Variants in LHFPL3 observed in about 807,000 individuals in gnomAD.
LHFPL3 encodes LHFPL tetraspan subfamily member 3 protein.
LHFPL3 carries 5 observed loss-of-function variants against 19.3 expected under a neutral mutation model. The observed-to-expected ratio is 0.26, with a 90% CI of 0.14 to 0.54. LHFPL3 has a LOEUF of 0.54. Among genes scored for constraint, LHFPL3 ranks in the 20% least tolerant of loss-of-function variants. The pLI is 0.94. For synonymous variants in LHFPL3, 133 were observed against 126.2 expected (o/e 1.05, Z -0.36); for missense variants, 249 against 307.4 (o/e 0.81, Z 1.42).
rs531515113 is a variant in LHFPL3 at position 104,734,301 on chromosome 7, TC to T, written c.446-2372del. Among the ~76,000 whole-genome samples the T allele has an allele frequency of 6.3e-4, 96 of 152,348 alleles. 2 individuals are homozygous for T. In the East Asian group the frequency reaches 0.017, roughly 27 times the overall value. On this transcript the variant is annotated intron_variant, in intron 1 of 2. Transcript: ENST00000424859. ...GTTGGGGAAGTTCTCCTGGATAATA[TC>T]CTGCAGAGTGTTTTCCAACTTGGTT...
chr7:104,556,486 T>A (rs754693306), intron 1 of LHFPL3, among the ~76,000 whole-genome samples: 1 of 152,222 alleles, frequency 6.6e-6, no homozygotes, highest in Non-Finnish European at 1.5e-5. Flanking sequence ...TGGCCCCTTT[T>A]AGTCACTCAC....
chr7:104,573,065 A>G (rs566114741), intron 1 of LHFPL3, among the ~76,000 whole-genome samples: 7 of 152,334 alleles, frequency 4.6e-5, no homozygotes, highest in Admixed American at 1.3e-4. Context: ...TAAAGGTACT[A>G]TAGGAAGTTT....
intron 1 of LHFPL3, among the ~76,000 whole-genome samples, chr7:104,627,077 C>T (rs1791558927): frequency 6.6e-6 from 1 of 151,966 alleles, no homozygotes; most frequent in Non-Finnish European, 1.5e-5. Context: ...ATCTCTTGAC[C>T]TTATTCCTCC....
chr7:104,476,674 G>A (rs2115639009), intron 1 of LHFPL3, among the ~76,000 whole-genome samples: 1 of 152,222 alleles, frequency 6.6e-6, no homozygotes, highest in South Asian at 2.1e-4. Flanking sequence ...TGGTCAGGCT[G>A]GGCTTGAACT....
At chr7:104,836,831 A>T (rs545544915) in intron 2 of LHFPL3, among the ~76,000 whole-genome samples, 8 of 152,338 alleles carry the variant, frequency 5.3e-5, no homozygotes, top group Non-Finnish European at 1.0e-4. Flanking sequence ...GTCTACACAG[A>T]GTTGCTCCTA....
chr7:104,685,979 G>A (rs898695353), intron 1 of LHFPL3, among the ~76,000 whole-genome samples: 9 of 152,238 alleles, frequency 5.9e-5, no homozygotes, highest in African/African-American at 2.2e-4. Flanking sequence ...TACCATTGAA[G>A]TAGCAATGAT....
chr7:104,603,066 T>TTCTCTTTC (rs1453775700), intron 1 of LHFPL3, among the ~76,000 whole-genome samples: 1,868 of 108,972 alleles, frequency 0.017, 36 homozygotes, highest in Middle Eastern at 0.037. Flanking sequence ...CTTTCTTTCT[T>TTCTCTTTC]TTTCTTTCTT....
intron 2 of LHFPL3, among the ~76,000 whole-genome samples, chr7:104,767,389 T>C (rs1159719343): frequency 6.6e-6 from 1 of 152,138 alleles, no homozygotes; most frequent in African/African-American, 2.4e-5. Context: ...AGAGAGAATA[T>C]CTGAAAATTC....
In LHFPL3 at chr7:104,578,467, T is replaced by C. The variant is rs141836944; in HGVS notation, c.446-158208T>C. Among the ~76,000 whole-genome samples the C allele has an allele frequency of 4.6e-4, 70 of 152,150 alleles. 1 individual carries two copies. The East Asian group carries it at 0.013, about 29-fold the overall frequency. ...TAGGCCCCAGGCAGGTAGGCAAGAG[T>C]GTTCTGAGGATCAAATAAGGCACCT... On this transcript the variant is annotated intron_variant, in intron 1 of 2. Coordinates refer to ENST00000424859, the MANE Select transcript of LHFPL3 (RefSeq NM_199000.3).
At chr7:104,646,765 A>G (rs1791943179) in intron 1 of LHFPL3, among the ~76,000 whole-genome samples, 1 of 152,266 alleles carries the variant, frequency 6.6e-6, no homozygotes, top group Admixed American at 6.5e-5. Context: ...TACTTAGAAT[A>G]CAGAAATGAA....
chr7:104,495,516 T>G (rs557436670), intron 1 of LHFPL3, among the ~76,000 whole-genome samples: 5 of 152,354 alleles, frequency 3.3e-5, no homozygotes, highest in Admixed American at 6.5e-5. Flanking sequence ...CCCAAGTAGC[T>G]GGGACTACAG....
chr7:104,522,717 C>T (rs1361646793), intron 1 of LHFPL3, among the ~76,000 whole-genome samples: 1 of 152,072 alleles, frequency 6.6e-6, no homozygotes, highest in Admixed American at 6.6e-5. Flanking sequence ...TTGTCCTGTG[C>T]TCCAGTTCAT....
chr7:104,469,926 GCA>G, intron 1 of LHFPL3: 1 of 440,894 alleles, frequency 2.3e-6, no homozygotes, highest in African/African-American at 2.0e-5. Flanking sequence ...TTCCCTCTGA[GCA>G]CAGTTATAGC....
At chr7:104,415,190 A>G (rs1791597396) in intron 1 of LHFPL3, among the ~76,000 whole-genome samples, 1 of 152,236 alleles carries the variant, frequency 6.6e-6, no homozygotes, top group South Asian at 2.1e-4. Flanking sequence ...TCAAGCAATT[A>G]TTAATAATTG....
At chr7:104,724,513 A>G (rs1200899458) in intron 1 of LHFPL3, among the ~76,000 whole-genome samples, 1 of 152,190 alleles carries the variant, frequency 6.6e-6, no homozygotes, top group Non-Finnish European at 1.5e-5. Flanking sequence ...AAACAGAGAA[A>G]TTAGAAAGGG....
At chr7:104,487,928 T>C (rs1363588248) in intron 1 of LHFPL3, among the ~76,000 whole-genome samples, 1 of 152,206 alleles carries the variant, frequency 6.6e-6, no homozygotes, top group African/African-American at 2.4e-5. Context: ...ATTCACAAAC[T>C]TGGGGCTCTC....
intron 2 of LHFPL3, among the ~76,000 whole-genome samples, chr7:104,737,471 C>T (rs753075493): frequency 2.8e-4 from 42 of 152,118 alleles, no homozygotes; most frequent in African/African-American, 9.2e-4. Flanking sequence ...GTGTTGTCTG[C>T]GTATCAAAAG....
chr7:104,631,340 C>T (rs1303179133), intron 1 of LHFPL3, among the ~76,000 whole-genome samples: 1 of 152,092 alleles, frequency 6.6e-6, no homozygotes, highest in Non-Finnish European at 1.5e-5. Flanking sequence ...AACTACTCAG[C>T]TATGTCCCCC....
intron 1 of LHFPL3, among the ~76,000 whole-genome samples, chr7:104,423,319 C>G (rs988908835): frequency 1.3e-5 from 2 of 152,118 alleles, no homozygotes; most frequent in Non-Finnish European, 2.9e-5. Context: ...AGAGAAGAAA[C>G]AGGCTTGTTC....
Sources: allele counts gnomAD v4.1 joint callset (sites outside exome capture counted in the v4.1 genomes callset), GRCh38; gene constraint gnomAD v4.1.1; transcripts MANE v1.5; gene names NCBI Gene and HGNC (gene_info 2026-07-23, HGNC 2026-07-21).